PIEZO2: variants seen among roughly 807,000 people sequenced by gnomAD.
PIEZO2 encodes the protein piezo-type mechanosensitive ion channel component 2.
Under a neutral mutation model 337.3 loss-of-function variants are expected in PIEZO2, and 172 were observed. The observed-to-expected ratio is 0.51, with a 90% confidence interval of 0.45 to 0.58. The LOEUF (loss-of-function observed/expected upper bound fraction) is 0.58. Ranked by LOEUF, PIEZO2 falls within the 20% of genes least tolerant of loss-of-function variation. The probability of loss-of-function intolerance (pLI) is 0.00; values close to 1 mark genes in which losing one functional copy is unlikely to be tolerated. For missense variants in PIEZO2, 3,028 were observed against 3,391.3 expected (o/e 0.89, Z 2.66); for synonymous variants, 1,251 against 1,228.5 (o/e 1.02, Z -0.38).
At chr18:10,898,901 A>T (rs1044400419) in intron 4 of PIEZO2, among the ~76,000 whole-genome samples, 27 of 152,172 alleles carry the variant, frequency 1.8e-4, no homozygotes, top group African/African-American at 6.5e-4. Flanking sequence ...AAAGAAAAGG[A>T]TTAAGTAAAC....
At chr18:11,055,730 T>A (rs9954023) in intron 2 of PIEZO2, among the ~76,000 whole-genome samples, 7,229 of 152,186 alleles carry the variant, frequency 0.048, 401 homozygotes, top group African/African-American at 0.14. Flanking sequence ...GTGGGGGAAA[T>A]CTTGACCAAA....
At chr18:11,118,762 A>T (rs1391777912) in intron 1 of PIEZO2, among the ~76,000 whole-genome samples, 1 of 151,966 alleles carries the variant, frequency 6.6e-6, no homozygotes, top group African/African-American at 2.4e-5. Context: ...AATTACAGAA[A>T]AAAAAACAGA....
At chr18:10,938,954 G>A (rs2145234923) in intron 3 of PIEZO2, among the ~76,000 whole-genome samples, 1 of 152,210 alleles carries the variant, frequency 6.6e-6, no homozygotes, top group African/African-American at 2.4e-5. Context: ...AGGTGTGGTG[G>A]CAGGCACCTG....
At chr18:11,000,984 C>T (rs1186894910) in intron 2 of PIEZO2, among the ~76,000 whole-genome samples, 1 of 152,154 alleles carries the variant, frequency 6.6e-6, no homozygotes, top group Non-Finnish European at 1.5e-5. Flanking sequence ...CATGGGCTGT[C>T]CCCAGACATG....
Position 10,704,670 on chromosome 18 carries a change from A to G in PIEZO2, c.6000-18T>C. On this transcript the variant is annotated intron_variant, in intron 41 of 55. Coordinates refer to ENST00000674853, the MANE Select transcript of PIEZO2 (RefSeq NM_001378183.1). ...GAAACATCCTGTTAAAGCAAACCAC[A>G]TGATAATATGTCTATTTTTTTTCTT... 2 of 1,529,402 alleles carry G rather than the reference A, an allele frequency of 1.3e-6. No individual in the cohort carries two copies. The highest frequency in any genetic ancestry group is 1.4e-5 in the African/African-American group (1 of 72,894). The allele number at this position is 1,529,402 out of a possible 1,614,324, so 94.7% of individuals were successfully genotyped here.
Position 10,767,316 on chromosome 18 carries a change from C to T in PIEZO2, c.2946+2832G>A, listed in dbSNP as rs2038405625. ...CTTCTTTTTCAGATGCTTCATGATG[C>T]TAACTTTGAAAAGGTTTAATATTTG... On this transcript the variant is annotated intron_variant, in intron 21 of 55. Transcript: ENST00000674853. The surrounding 1 kb of genome is among the most constrained non-coding windows in gnomAD (Gnocchi z 4.2). 6.6e-6 allele frequency among the ~76,000 whole-genome samples: 1 copy of T among 152,144 alleles called. No individual in the cohort carries two copies. Among genetic ancestry groups the T allele is most frequent in the Non-Finnish European group, 1.5e-5 (1 of 68,024 alleles).
intron 1 of PIEZO2, among the ~76,000 whole-genome samples, chr18:11,138,257 ATCC>A (rs1165505438): frequency 6.6e-6 from 1 of 152,170 alleles, no homozygotes; most frequent in African/African-American, 2.4e-5. Context: ...AAAACCTACA[ATCC>A]AAAAGATATA....
chr18:10,860,580 A>G (rs1176991029), intron 5 of PIEZO2, among the ~76,000 whole-genome samples: 1 of 152,146 alleles, frequency 6.6e-6, no homozygotes, highest in Non-Finnish European at 1.5e-5. Flanking sequence ...TTCTTTCCCC[A>G]TCACAACAGG....
In PIEZO2 at chr18:11,008,667, A is replaced by C. The variant is rs191782270; in HGVS notation, c.161-29007T>G. Among the ~76,000 whole-genome samples the C allele has an allele frequency of 2.6e-5, 4 of 152,174 alleles. 1 individual carries two copies. Among genetic ancestry groups the C allele is most frequent in the African/African-American group, 4.8e-5 (2 of 41,460 alleles). ...TGTGGTCCAAAGTTCCATCTTCTGC[A>C]TATCTATTTATCATTTCCTCATCCA... On this transcript the variant is annotated intron_variant, in intron 2 of 55. Coordinates refer to ENST00000674853, the MANE Select transcript of PIEZO2 (RefSeq NM_001378183.1).
chr18:10,832,077 C>T (rs769081085), intron 7 of PIEZO2, among the ~76,000 whole-genome samples: 25 of 152,076 alleles, frequency 1.6e-4, no homozygotes, highest in Non-Finnish European at 3.5e-4. Context: ...GTGGGAGGAT[C>T]ACTTGAGGCC....
chr18:11,106,807 C>T (rs1438890073), intron 1 of PIEZO2, among the ~76,000 whole-genome samples: 1 of 151,674 alleles, frequency 6.6e-6, no homozygotes, highest in Non-Finnish European at 1.5e-5. Context: ...TTCCCTGAAA[C>T]CTCCTTGGAA....
intron 7 of PIEZO2, among the ~76,000 whole-genome samples, chr18:10,807,704 G>T (rs16975376): frequency 0.24 from 36,217 of 152,092 alleles, 4,555 homozygotes; most frequent in East Asian, 0.35. Context: ...TTTTTGGCTA[G>T]GTTCAGCATT....
chr18:10,844,776 G>A (rs1380912524), intron 7 of PIEZO2, among the ~76,000 whole-genome samples: 2 of 133,758 alleles, frequency 1.5e-5, no homozygotes, highest in Non-Finnish European at 3.2e-5. Flanking sequence ...GCGACAGAGG[G>A]AGACTCTGTC....
At chr18:11,073,057 A>C (rs1168144499) in intron 1 of PIEZO2, among the ~76,000 whole-genome samples, 2 of 152,272 alleles carry the variant, frequency 1.3e-5, no homozygotes, top group African/African-American at 4.8e-5. Context: ...ATCAAAATAC[A>C]TATATTAAGG....
At chr18:11,049,357 G>T (rs34326063) in intron 2 of PIEZO2, among the ~76,000 whole-genome samples, 44,573 of 152,064 alleles carry the variant, frequency 0.29, 7,493 homozygotes, top group African/African-American at 0.46. Flanking sequence ...GGTGACCAAG[G>T]GTCTGTCTTC....
chr18:10,908,020 A>G (rs897221490), intron 4 of PIEZO2, among the ~76,000 whole-genome samples: 1 of 152,208 alleles, frequency 6.6e-6, no homozygotes, highest in South Asian at 2.1e-4. Flanking sequence ...TAATAGCCCC[A>G]CAGAGGGAAA....
chr18:10,999,725 G>A (rs1217068394), intron 2 of PIEZO2, among the ~76,000 whole-genome samples: 3 of 152,000 alleles, frequency 2.0e-5, no homozygotes, highest in Non-Finnish European at 4.4e-5. Context: ...GACTACATTA[G>A]AAAAAATTTA....
chr18:10,967,661 G>A (rs1233210890), intron 3 of PIEZO2, among the ~76,000 whole-genome samples: 1 of 152,096 alleles, frequency 6.6e-6, no homozygotes, highest in African/African-American at 2.4e-5. Flanking sequence ...GTATCACACT[G>A]TGGTTTTGAT....
rs545453905 is a variant in PIEZO2, at chr18:11,070,477, C to T, written c.65-4255G>A. On this transcript the variant is annotated intron_variant, in intron 1 of 55. Transcript: ENST00000674853. The surrounding 1 kb of genome is among the most constrained non-coding windows in gnomAD (Gnocchi z 4.3). Reference sequence around the variant, plus strand: ...CAGGTGTTTGTCTTAGCTCTGCCTACATGTGGGATGAGAGGGGGCAAGCAA... The same window carrying T: ...CAGGTGTTTGTCTTAGCTCTGCCTATATGTGGGATGAGAGGGGGCAAGCAA... Among the ~76,000 whole-genome samples the T allele has an allele frequency of 6.6e-5, 10 of 152,196 alleles. No homozygotes were observed. The highest frequency in any genetic ancestry group is 2.4e-4 in the African/African-American group (10 of 41,478).
Sources: allele counts gnomAD v4.1 joint callset (sites outside exome capture counted in the v4.1 genomes callset), GRCh38; gene constraint gnomAD v4.1.1; non-coding constraint Gnocchi (gnomAD v3.1); transcripts MANE v1.5; gene names NCBI Gene and HGNC (gene_info 2026-07-23, HGNC 2026-07-21).